The following GANAB variants were observed in gnomAD, a reference collection of about 807,000 sequenced individuals.
GANAB encodes the protein neutral alpha-glucosidase AB.
A neutral mutation model predicts 129.9 loss-of-function variants in GANAB; 35 were observed. That is an observed-to-expected ratio of 0.27 (90% CI 0.21 to 0.36). GANAB has a LOEUF of 0.36. GANAB is among the 10% of genes least tolerant of loss of function. GANAB has a pLI of 1.00. For missense variants in GANAB, 939 were observed against 1,221.0 expected (o/e 0.77, Z 3.44); for synonymous variants, 482 against 451.8 (o/e 1.07, Z -0.85).
intron 1 of GANAB, chr11:62,640,097 C>A (rs1321708987): frequency 1.2e-5 from 2 of 173,842 alleles, no homozygotes; most frequent in East Asian, 1.6e-4. Context: ...ATTAGCTGGG[C>A]GTGGTGGCGG....
rs1026046498 is a variant in GANAB, at chr11:62,632,754, A to G, written c.816-9T>C. ...GATATGGCTCCCCACCCCTGCAGGC[A>G]AACAGACAGACTTGGGCTGCTAACT... On this transcript the variant is annotated splice_polypyrimidine_tract_variant and intron_variant, in intron 8 of 23. Coordinates refer to ENST00000356638, the MANE Select transcript of GANAB (RefSeq NM_198334.3). 1 of 1,610,614 alleles carries G rather than the reference A, an allele frequency of 6.2e-7. No homozygotes were observed. Among genetic ancestry groups the G allele is most frequent in the Non-Finnish European group, 8.5e-7 (1 of 1,177,422 alleles).
At chr11:62,634,772 C>T (rs938496501) in intron 5 of GANAB, 49 bp downstream of exon 5, 17 of 1,479,308 alleles carry the variant, frequency 1.1e-5, no homozygotes, top group Non-Finnish European at 1.4e-5. Context: ...CACAACACCC[C>T]TATGCTCTTT....
Position 62,625,615 on chromosome 11 carries a change from G to A in GANAB, c.*200C>T. Reference sequence around the variant, plus strand: ...TGAAGGGAAAGAGTTGGTATCAATGGAGTGGGAGAGGTGAGGAGATCACAA... The same window carrying A: ...TGAAGGGAAAGAGTTGGTATCAATGAAGTGGGAGAGGTGAGGAGATCACAA... On this transcript the variant is annotated 3_prime_UTR_variant, in exon 24 of 24. Coordinates refer to ENST00000356638, the MANE Select transcript of GANAB (RefSeq NM_198334.3). 1.7e-6 allele frequency: 1 copy of A among 592,410 alleles called. No individual in the cohort carries two copies. Among genetic ancestry groups the A allele is most frequent in the Non-Finnish European group, 3.0e-6 (1 of 331,072 alleles). 36.7% of individuals were successfully genotyped at this position (592,410 alleles called of 1,614,324 possible). A position where few individuals can be genotyped will look rare whatever the true frequency, so the allele number is the denominator to read the frequency against.
intron 22 of GANAB, 32 bp downstream of exon 22, chr11:62,626,303 A>C (rs748057362): frequency 4.1e-6 from 6 of 1,473,428 alleles, no homozygotes; most frequent in Non-Finnish European, 5.7e-6. Context: ...GCCCCAGCAA[A>C]GGCAGCCAAG....
At position 62,629,688 on chromosome 11, in the gene GANAB, G is replaced by C; in HGVS notation, c.1738-4C>G. 1 of 1,612,144 alleles carries C rather than the reference G, an allele frequency of 6.2e-7. No individual in the cohort carries two copies. The highest frequency in any genetic ancestry group is 8.5e-7 in the Non-Finnish European group (1 of 1,178,532). ...GCCCATCAGCAGTCGCCATGTGCTG[G>C]GTGAGGAGAGAAGAGACGGGTAGTG... On this transcript the variant is annotated splice_polypyrimidine_tract_variant and splice_region_variant and intron_variant, in intron 14 of 23. Coordinates refer to ENST00000356638, the MANE Select transcript of GANAB (RefSeq NM_198334.3).
At chr11:62,629,792 C>T in intron 14 of GANAB, 22 bp downstream of exon 14, 1 of 1,613,406 alleles carries the variant, frequency 6.2e-7, no homozygotes, top group Non-Finnish European at 8.5e-7. Context: ...TTTCCACCAA[C>T]TCTCCTCTCT....
rs1049118732 is a variant in GANAB at position 62,639,081 on chromosome 11, A to G, written c.282T>C (p.Leu94=). 3.7e-6 allele frequency: 6 copies of G among 1,614,084 alleles called. No homozygotes were observed. Among genetic ancestry groups the G allele is most frequent in the Non-Finnish European group, 4.2e-6 (5 of 1,179,990 alleles). ...KVLLVLELQG[L]QKNMTRFRID... is the part of the protein sequence containing the mutation. ...TCCTGAACCGAGTCATGTTCTTTTG[A>G]AGCCCCTGAAGCTCTAGCACCAGCA... The change falls in exon 4 of 24, where the codon CTT becomes CTC. Residue 94 remains leucine, a synonymous_variant. Coordinates refer to ENST00000356638, the MANE Select transcript of GANAB (RefSeq NM_198334.3).
rs1176305642 is a variant in GANAB, at chr11:62,639,696, A to G, written c.74T>C (p.Val25Ala). ...CACAGCAAGGGTAATCCCCAGGCAG[A>G]CCCCTAAAAAAGCCAGTACCAAAGA... is the stretch of plus-strand genomic sequence containing the variant. ...WASLVLAFLGVCLGITLAVDR... is the reference protein window; with the variant it reads ...WASLVLAFLGACLGITLAVDR... Residue 25 changes from valine (V) to alanine (A), a missense_variant, in exon 2 of 24, where the codon GTC (valine) becomes GCC (alanine). Around this residue, in one of 5 missense-constraint regions of GANAB, gnomAD observed 321 missense variants for 329.1 expected, o/e 0.98. Coordinates refer to ENST00000356638, the MANE Select transcript of GANAB (RefSeq NM_198334.3). 12 of 1,613,956 alleles carry G rather than the reference A, an allele frequency of 7.4e-6. No individual in the cohort carries two copies. The highest frequency in any genetic ancestry group is 1.0e-5 in the Non-Finnish European group (12 of 1,179,940).
chr11:62,631,712 C>T (rs778064810), intron 9 of GANAB, among the ~76,000 whole-genome samples: 6 of 152,062 alleles, frequency 3.9e-5, no homozygotes, highest in Admixed American at 6.6e-5. Context: ...CTGTCCACCT[C>T]GCCCTCCCAA....
chr11:62,644,682 G>A (rs12270159), intron 1 of GANAB, among the ~76,000 whole-genome samples: 4,542 of 152,000 alleles, frequency 0.03, 221 homozygotes, highest in African/African-American at 0.1. Context: ...AAATTAGCTG[G>A]GCACGGTGGC....
intron 1 of GANAB, among the ~76,000 whole-genome samples, chr11:62,642,559 C>T (rs533938546): frequency 6.6e-5 from 10 of 152,040 alleles, no homozygotes; most frequent in South Asian, 2.1e-4. Flanking sequence ...CTCAGCCTCC[C>T]GAGCAGCTGG....
Position 62,626,676 on chromosome 11 carries a change from C to T in GANAB, c.2406G>A (p.Val802=). 1 of 1,599,896 alleles carries T rather than the reference C, an allele frequency of 6.3e-7. No individual in the cohort carries two copies. The highest frequency in any genetic ancestry group is 8.5e-7 in the Non-Finnish European group (1 of 1,170,570). ...YLPVTLSSIP[V]FQRGGTIVPR... ...GCACGATTGTCCCTCCACGCTGGAACACAGGGATCTAGGGCAAGAGCAATG... is the reference window on the plus strand; with the variant it reads ...GCACGATTGTCCCTCCACGCTGGAATACAGGGATCTAGGGCAAGAGCAATG... Residue 802 remains valine, a synonymous_variant, in exon 21 of 24, where the codon GTG becomes GTA. Coordinates refer to ENST00000356638, the MANE Select transcript of GANAB (RefSeq NM_198334.3).
In GANAB at chr11:62,626,875, A is replaced by T; in HGVS notation, c.2382T>A (p.Pro794=). 1 of 1,610,262 alleles carries T rather than the reference A, an allele frequency of 6.2e-7. No individual in the cohort carries two copies. The highest frequency in any genetic ancestry group is 8.5e-7 in the Non-Finnish European group (1 of 1,176,782). The change falls in exon 20 of 24, where the codon CCT becomes CCA. Residue 794 remains proline (P), a synonymous_variant. Coordinates refer to ENST00000356638, the MANE Select transcript of GANAB (RefSeq NM_198334.3). ...KHHGPQTLYL[P]VTLSSIPVFQ... ...GCTTACTCACACTGCTTAGAGTTAC[A>T]GGCAGGTACAGGGTCTGGGGACCAT...
intron 1 of GANAB, among the ~76,000 whole-genome samples, chr11:62,641,258 C>T (rs912084071): frequency 3.3e-5 from 5 of 150,220 alleles, no homozygotes; most frequent in South Asian, 2.1e-4. Context: ...GCATGAGAAT[C>T]GCTTGAACCC....
chr11:62,633,326 G>T lies in GANAB; in HGVS notation c.631-55C>A, dbSNP rs1050509189. On this transcript the variant is annotated intron_variant, in intron 6 of 23. Transcript: ENST00000356638. ...AATCATACCAGTTCTCTCTTTCCCC[G>T]CTCCCATCAACTAAATCCCATCCCT... is the stretch of plus-strand genomic sequence containing the variant. 7 of 1,548,976 alleles carry T rather than the reference G, an allele frequency of 4.5e-6. No individual in the cohort carries two copies. In the Admixed American group the frequency reaches 1.0e-4, roughly 22 times the overall value.
Position 62,634,199 on chromosome 11 carries a change from A to C in GANAB, c.560+622T>G, listed in dbSNP as rs1254684498. 2.3e-5 allele frequency: 17 copies of C among 738,092 alleles called. No homozygotes were observed. In the Admixed American group the frequency reaches 3.0e-4, roughly 13 times the overall value. The allele number at this position is 738,092 out of a possible 1,614,324, so 45.7% of individuals were successfully genotyped here. On this transcript the variant is annotated intron_variant, in intron 5 of 23. Coordinates refer to ENST00000356638, the MANE Select transcript of GANAB (RefSeq NM_198334.3). ...GACCAGACATCACACAGCAGGGGAA[A>C]GTGGGGTGAGTGAAAGGCTGGAAGG...
chr11:62,633,556 A>C, intron 5 of GANAB, 42 bp from the exon 6 acceptor site: 1 of 1,549,942 alleles, frequency 6.5e-7, no homozygotes, highest in Non-Finnish European at 8.9e-7. Flanking sequence ...CAGAGGGGGC[A>C]GGGACGAGGG....
At chr11:62,645,715 G>T (rs1186029452) in intron 1 of GANAB, among the ~76,000 whole-genome samples, 6 of 152,160 alleles carry the variant, frequency 3.9e-5, no homozygotes. Flanking sequence ...CCCAAGAGAG[G>T]TGTTCATAGG....
Position 62,630,698 on chromosome 11 carries a change from A to G in GANAB, c.1289T>C (p.Ile430Thr), listed in dbSNP as rs757443816. 4.3e-6 allele frequency: 7 copies of G among 1,614,154 alleles called. No homozygotes were observed. Among genetic ancestry groups the G allele is most frequent in the Non-Finnish European group, 5.1e-6 (6 of 1,179,990 alleles). ...ATACCGCTTGCCATCAGCATGTTCA[A>G]TGTCTAGCCAGATGACATCACAGGG... ...NLPCDVIWLD[I>T]EHADGKRYFT... The change falls in exon 11 of 24, where the codon ATT becomes ACT. Residue 430 changes from isoleucine to threonine, a missense_variant. Physicochemically the swap from Ile to Thr is moderately conservative, Grantham distance 89 (BLOSUM62 -1). Coordinates refer to ENST00000356638, the MANE Select transcript of GANAB (RefSeq NM_198334.3).
Sources: gnomAD v4.1 joint callset for allele counts (sites outside exome capture counted in the v4.1 genomes callset) on GRCh38, gnomAD v4.1.1 for gene constraint, gnomAD v4.1.1 regional missense constraint, MANE v1.5 for transcripts, NCBI Gene and HGNC (gene_info 2026-07-23, HGNC 2026-07-21) for gene names.